The following AVEN variants were observed in gnomAD, a reference collection of about 807,000 sequenced individuals.
AVEN encodes cell death regulator Aven.
A neutral mutation model predicts 38.1 loss-of-function variants in AVEN; 41 were observed. That is an observed-to-expected ratio of 1.08 (90% CI 0.84 to 1.40). The LOEUF (loss-of-function observed/expected upper bound fraction) is 1.40. AVEN is among the 40% of genes most tolerant of loss of function. The pLI is 0.00. For missense variants in AVEN, 605 were observed against 438.8 expected (o/e 1.38, Z -3.38); for synonymous variants, 206 against 171.8 (o/e 1.20, Z -1.56).
intron 5 of AVEN, among the ~76,000 whole-genome samples, chr15:34,044,843 G>A (rs923551917): frequency 6.6e-6 from 1 of 152,232 alleles, no homozygotes; most frequent in African/African-American, 2.4e-5. Flanking sequence ...GAGGTCAGGA[G>A]ATGGAGACCA....
downstream of AVEN, chr15:33,865,306 T>TATC (rs1890134273): frequency 4.3e-6 from 4 of 929,782 alleles, no homozygotes; most frequent in Non-Finnish European, 5.0e-6. Context: ...TTCTGCAACA[T>TATC]ATCTGAAATG....
At chr15:34,065,364 C>A (rs974818847) in intron 4 of AVEN, 6 of 152,226 alleles carry the variant, frequency 3.9e-5, no homozygotes, top group African/African-American at 1.4e-4. Context: ...TTCCAGAGCC[C>A]TTTTGCAGCC....
At chr15:33,983,430 A>G (rs1414814066) in intron 2 of AVEN, among the ~76,000 whole-genome samples, 2 of 152,000 alleles carry the variant, frequency 1.3e-5, no homozygotes, top group Non-Finnish European at 2.9e-5. Flanking sequence ...CAGAAGGGTC[A>G]ATGACACAAG....
intron 1 of AVEN, among the ~76,000 whole-genome samples, chr15:34,032,189 G>A (rs1372875452): frequency 6.6e-6 from 1 of 152,164 alleles, no homozygotes; most frequent in Non-Finnish European, 1.5e-5. Context: ...TCAAGAAATA[G>A]TGACATCTGA....
At chr15:33,998,143 A>G (rs1684004073) in intron 2 of AVEN, among the ~76,000 whole-genome samples, 1 of 152,024 alleles carries the variant, frequency 6.6e-6, no homozygotes. Flanking sequence ...CTTTCCTCCA[A>G]TTACAGTTGG....
intron 2 of AVEN, among the ~76,000 whole-genome samples, chr15:33,894,515 TAAAAAA>T (rs71117190): frequency 7.6e-6 from 1 of 132,270 alleles, no homozygotes; most frequent in African/African-American, 2.9e-5. Flanking sequence ...GTTTTTCTCT[TAAAAAA>T]AAAAAAAAAA....
intron 2 of AVEN, among the ~76,000 whole-genome samples, chr15:33,916,675 AAAT>A (rs752134131): frequency 1.3e-4 from 20 of 152,168 alleles, no homozygotes; most frequent in African/African-American, 4.8e-5. Context: ...CATAATAAAA[AAAT>A]AATAATAATA....
At chr15:33,883,739 T>C (rs529438964) in intron 2 of AVEN, 19 of 152,344 alleles carry the variant, frequency 1.2e-4, no homozygotes, top group African/African-American at 4.3e-4. Flanking sequence ...GAATCATCCT[T>C]TGTAAACAAC....
intron 1 of AVEN, among the ~76,000 whole-genome samples, chr15:34,034,313 C>G (rs932045392): frequency 6.6e-6 from 1 of 151,938 alleles, no homozygotes; most frequent in African/African-American, 2.4e-5. Flanking sequence ...TGGTGGTTCA[C>G]GCCTGTACTC....
At chr15:33,861,112 A>G in intron 11 of AVEN, 1 of 1,596,858 alleles carries the variant, frequency 6.3e-7, no homozygotes, top group South Asian at 1.1e-5. Flanking sequence ...GGCAATGACT[A>G]CTTTGACACA....
At chr15:33,959,476 A>G (rs1298171848) in intron 2 of AVEN, among the ~76,000 whole-genome samples, 1 of 150,992 alleles carries the variant, frequency 6.6e-6, no homozygotes, top group Admixed American at 6.6e-5. Context: ...CTCTCTCACT[A>G]CTCCCTACAC....
intron 2 of AVEN, among the ~76,000 whole-genome samples, chr15:33,908,656 T>C (rs1175005375): frequency 6.6e-6 from 1 of 152,228 alleles, no homozygotes; most frequent in Non-Finnish European, 1.5e-5. Context: ...TTCATCCTTG[T>C]TGTCGCATGT....
intron 2 of AVEN, among the ~76,000 whole-genome samples, chr15:34,068,269 T>C (rs1288275309): frequency 1.3e-5 from 2 of 151,232 alleles, no homozygotes; most frequent in African/African-American, 2.4e-5. Flanking sequence ...TCTCACTCTG[T>C]CATCCAGGCT....
At chr15:34,032,234 A>G (rs1018406231) in intron 1 of AVEN, among the ~76,000 whole-genome samples, 2 of 152,202 alleles carry the variant, frequency 1.3e-5, no homozygotes, top group Non-Finnish European at 2.9e-5. Flanking sequence ...TAATTTCTAG[A>G]AAAAGGCTAG....
At chr15:33,990,627 C>T (rs184971001) in intron 2 of AVEN, 1 of 152,216 alleles carries the variant, frequency 6.6e-6, no homozygotes, top group Non-Finnish European at 1.5e-5. Flanking sequence ...AAAGTACAGT[C>T]TCTGCTAGCG....
intron 2 of AVEN, among the ~76,000 whole-genome samples, chr15:33,911,214 G>A (rs1286843629): frequency 6.6e-6 from 1 of 152,164 alleles, no homozygotes; most frequent in Non-Finnish European, 1.5e-5. Context: ...TTAAGTAGGA[G>A]TCAAGCAAAA....
downstream of AVEN, chr15:33,864,018 T>TTAAGTCACTGTAGATAGCG: frequency 4.6e-6 from 3 of 659,272 alleles, no homozygotes; most frequent in South Asian, 5.8e-5. Flanking sequence ...CCCTGATCAT[T>TTAAGTCACTGTAGATAGCG]TAAGTCACTG....
chr15:33,857,919 GAGCCCACCCACTGCGGGGCC>G (rs139758855), downstream of AVEN: 124,705 of 1,610,666 alleles, frequency 0.077, 9,420 homozygotes, highest in African/African-American at 0.39. Flanking sequence ...ATGACGGTGA[GAGCCCACCCACTGCGGGGCC>G]AGCCCACCCA....
intron 2 of AVEN, among the ~76,000 whole-genome samples, chr15:33,961,616 A>G (rs932639736): frequency 1.4e-4 from 21 of 151,770 alleles, no homozygotes; most frequent in Middle Eastern, 3.4e-3. Flanking sequence ...GATCGAGACC[A>G]TTCTGGCTAA....
Sources: gnomAD v4.1 joint callset for allele counts (sites outside exome capture counted in the v4.1 genomes callset) on GRCh38, gnomAD v4.1.1 for gene constraint, MANE v1.5 for transcripts, NCBI Gene and HGNC (gene_info 2026-07-23, HGNC 2026-07-21) for gene names.